AMDHD1: variants seen among roughly 807,000 people sequenced by gnomAD.
AMDHD1 encodes the protein amidohydrolase domain containing 1, also known as probable imidazolonepropionase.
In AMDHD1, 45 loss-of-function variants were observed where a neutral mutation model predicts 44.1. That is an observed-to-expected ratio of 1.02 (90% CI 0.80 to 1.31). The LOEUF (loss-of-function observed/expected upper bound fraction) is 1.31. AMDHD1 is among the 50% of genes most tolerant of loss of function. The pLI, the probability that AMDHD1 is intolerant of heterozygous loss-of-function variation, is 0.00. For synonymous variants in AMDHD1, 206 were observed against 205.0 expected, an observed-to-expected ratio of 1.00 and a Z score of -0.04; for missense variants, 586 against 552.1, an observed-to-expected ratio of 1.06 and a Z score of -0.61.
intron 4 of AMDHD1, among the ~76,000 whole-genome samples, chr12:95,958,323 TTCAA>T (rs891799398): frequency 3.9e-5 from 6 of 152,148 alleles, no homozygotes; most frequent in East Asian, 1.9e-4. Flanking sequence ...TCATGTTATC[TTCAA>T]TCAGAGGAAC....
intron 1 of AMDHD1, among the ~76,000 whole-genome samples, chr12:95,951,765 A>T (rs2080526707): frequency 6.6e-6 from 1 of 152,204 alleles, no homozygotes; most frequent in Non-Finnish European, 1.5e-5. Context: ...TCTTTTGGAT[A>T]AAAGCCATTT....
rs754706271 is a variant in AMDHD1, at chr12:95,956,733, C to A, written c.358C>A (p.His120Asn). 6.8e-6 allele frequency: 11 copies of A among 1,614,206 alleles called. No individual in the cohort carries two copies. Among genetic ancestry groups the A allele is most frequent in the Non-Finnish European group, 9.3e-6 (11 of 1,180,048 alleles). The change falls in exon 4 of 9, where the codon CAC (histidine) becomes AAC (asparagine). Residue 120 changes from histidine to asparagine, a missense_variant. His to Asn is a moderately conservative substitution (Grantham distance 68, BLOSUM62 1). Coordinates refer to ENST00000266736, the MANE Select transcript of AMDHD1 (RefSeq NM_152435.3). ...MEIHQAGGGIHFTVERTRQAT... is the reference protein window; with the variant it reads ...MEIHQAGGGINFTVERTRQAT... ...AATTCACCAGGCCGGAGGAGGGATC[C>A]ACTTTACCGTGGAGCGCACGCGCCA...
At chr12:95,960,264 G>T in intron 4 of AMDHD1, 134 bp from the exon 5 acceptor site, 1 of 730,498 alleles carries the variant, frequency 1.4e-6, no homozygotes, top group Non-Finnish European at 2.2e-6. Flanking sequence ...GTAGCTTTGA[G>T]TCTTTCTCTA....
intron 1 of AMDHD1, among the ~76,000 whole-genome samples, chr12:95,943,868 GT>G (rs1415791176): frequency 6.6e-6 from 1 of 152,160 alleles, no homozygotes; most frequent in Non-Finnish European, 1.5e-5. Context: ...AGGGTGGCCT[GT>G]GGTTATTTTA....
intron 2 of AMDHD1, among the ~76,000 whole-genome samples, chr12:95,953,611 T>A (rs1945647820): frequency 6.6e-6 from 1 of 152,212 alleles, no homozygotes; most frequent in African/African-American, 2.4e-5. Flanking sequence ...TGAGACAGTC[T>A]CACTGTGTCA....
intron 4 of AMDHD1, among the ~76,000 whole-genome samples, chr12:95,957,224 T>C (rs890351509): frequency 6.6e-6 from 1 of 152,174 alleles, no homozygotes; most frequent in African/African-American, 2.4e-5. Flanking sequence ...TCCGTGTAGG[T>C]CGTTTAAAAT....
chr12:95,944,116 A>T (rs1300149844), intron 1 of AMDHD1, among the ~76,000 whole-genome samples: 11 of 152,194 alleles, frequency 7.2e-5, no homozygotes, highest in Non-Finnish European at 5.9e-5. Context: ...TCTCTTACTC[A>T]TCTGAGCTTC....
At chr12:95,962,588 A>G in intron 6 of AMDHD1, 109 bp downstream of exon 6, 1 of 1,299,414 alleles carries the variant, frequency 7.7e-7, no homozygotes, top group Non-Finnish European at 1.0e-6. Context: ...TCCCTTAAAA[A>G]TGCAGATGAA....
chr12:95,963,937 G>A (rs1197343728), intron 6 of AMDHD1, among the ~76,000 whole-genome samples: 2 of 150,478 alleles, frequency 1.3e-5, no homozygotes. Context: ...GCTGAGGCAG[G>A]AGAATCCCTT....
rs1190387829 is a variant in AMDHD1 at position 95,960,655 on chromosome 12, A to G, written c.813+32A>G. ...TTGACTTTTAGTTTTTCCCTCGTCA[A>G]CATTCATTCTTGCACATTCATGCTA... On this transcript the variant is annotated intron_variant, in intron 5 of 8. Transcript: ENST00000266736. The G allele has an allele frequency of 6.9e-6, 11 of 1,592,318 alleles. No homozygotes were observed. The Middle Eastern group carries it at 1.3e-3, about 193-fold the overall frequency.
intron 1 of AMDHD1, among the ~76,000 whole-genome samples, chr12:95,946,035 A>C (rs1404399265): frequency 2.7e-5 from 4 of 148,544 alleles, no homozygotes; most frequent in African/African-American, 2.5e-5. Context: ...TCTCATTCTT[A>C]AATTAAGTTC....
intron 3 of AMDHD1, among the ~76,000 whole-genome samples, chr12:95,956,335 C>G (rs1379119440): frequency 6.6e-6 from 1 of 152,186 alleles, no homozygotes; most frequent in Non-Finnish European, 1.5e-5. Context: ...TTCTTGAACT[C>G]CTGACCTCGT....
chr12:95,962,349 C>G lies in AMDHD1; in HGVS notation c.814-6C>G. The G allele has an allele frequency of 1.2e-6, 2 of 1,611,810 alleles. No homozygotes were observed. Among genetic ancestry groups the G allele is most frequent in the Non-Finnish European group, 1.7e-6 (2 of 1,178,558 alleles). On this transcript the variant is annotated splice_polypyrimidine_tract_variant and splice_region_variant and intron_variant, in intron 5 of 8. Coordinates refer to ENST00000266736, the MANE Select transcript of AMDHD1 (RefSeq NM_152435.3). Reference sequence around the variant, plus strand: ...AAATCTTTCCCTCTCTGCCCATTCTCCTTAGCTTGGGGCTGAACTGGGAGC... The same window carrying G: ...AAATCTTTCCCTCTCTGCCCATTCTGCTTAGCTTGGGGCTGAACTGGGAGC...
At chr12:95,957,055 G>C (rs1366181177) in intron 4 of AMDHD1, 93 bp downstream of exon 4, 1 of 1,528,464 alleles carries the variant, frequency 6.5e-7, no homozygotes, top group Non-Finnish European at 8.9e-7. Context: ...CTCTTGCAGG[G>C]AGATGGATAG....
intron 6 of AMDHD1, 68 bp from the exon 7 acceptor site, chr12:95,965,618 C>T (rs766039251): frequency 7.7e-6 from 8 of 1,032,474 alleles, no homozygotes; most frequent in Non-Finnish European, 1.0e-5. Flanking sequence ...AAGTTCTCTT[C>T]TGTTCTGAAC....
chr12:95,945,000 G>A (rs10859992), intron 1 of AMDHD1, among the ~76,000 whole-genome samples: 65,978 of 151,746 alleles, frequency 0.43, 16,088 homozygotes, highest in African/African-American at 0.65. Flanking sequence ...CGGGCATGGC[G>A]GCGCACGTCT....
intron 2 of AMDHD1, 42 bp from the exon 3 acceptor site, chr12:95,954,865 GCTCT>G (rs781382987): frequency 6.3e-7 from 1 of 1,586,948 alleles, no homozygotes; most frequent in Non-Finnish European, 8.7e-7. Flanking sequence ...CTGTCTAAGT[GCTCT>G]CTATTTCTTA....
In AMDHD1 at chr12:95,968,030, A is replaced by G. The variant is rs2080621261; in HGVS notation, c.*187A>G. 2.2e-6 allele frequency: 1 copy of G among 458,720 alleles called. No individual in the cohort carries two copies. The highest frequency in any genetic ancestry group is 2.0e-5 in the African/African-American group (1 of 48,946). The allele number at this position is 458,720 out of a possible 1,614,324, so 28.4% of individuals were successfully genotyped here. Reference sequence around the variant, plus strand: ...TTCATTTAACACATGCATTTGACATATAAACAGGTAAACCTATTGTGATTA... The same window carrying G: ...TTCATTTAACACATGCATTTGACATGTAAACAGGTAAACCTATTGTGATTA... On this transcript the variant is annotated 3_prime_UTR_variant, in exon 9 of 9. Transcript: ENST00000266736.
intron 1 of AMDHD1, among the ~76,000 whole-genome samples, chr12:95,948,231 C>G (rs2080509040): frequency 7.5e-6 from 1 of 133,220 alleles, no homozygotes; most frequent in Non-Finnish European, 1.6e-5. Context: ...CAGCCCCCCG[C>G]CCGGCCAGCC....
Sources: allele counts gnomAD v4.1 joint callset (sites outside exome capture counted in the v4.1 genomes callset), GRCh38; gene constraint gnomAD v4.1.1; transcripts MANE v1.5; gene names NCBI Gene and HGNC (gene_info 2026-07-23, HGNC 2026-07-21).